CYP7B1: variants seen among roughly 807,000 people sequenced by gnomAD.
The protein encoded by CYP7B1 is cytochrome P450 family 7 subfamily B member 1.
CYP7B1 carries 29 observed loss-of-function variants against 42.7 expected under a neutral mutation model. The observed-to-expected ratio is 0.68, with a 90% CI of 0.51 to 0.93. The LOEUF (loss-of-function observed/expected upper bound fraction) is 0.93. CYP7B1 is among the 40% of genes least tolerant of loss of function. The probability of loss-of-function intolerance (pLI) is 0.00; values close to 1 mark genes in which losing one functional copy is unlikely to be tolerated. For missense variants in CYP7B1, 655 were observed against 600.5 expected, an observed-to-expected ratio of 1.09 and a Z score of -0.95; for synonymous variants, 235 against 218.2, an observed-to-expected ratio of 1.08 and a Z score of -0.68.
intron 1 of CYP7B1, among the ~76,000 whole-genome samples, chr8:64,749,713 G>A (rs549874098): frequency 9.9e-5 from 15 of 152,096 alleles, no homozygotes; most frequent in Admixed American, 2.6e-4. Flanking sequence ...CCCTGTATAC[G>A]AGTTTGTTTC....
chr8:64,723,568 T>G (rs1807277123), intron 1 of CYP7B1, among the ~76,000 whole-genome samples: 1 of 152,190 alleles, frequency 6.6e-6, no homozygotes, highest in Non-Finnish European at 1.5e-5. Context: ...AAAGTCGGAT[T>G]TTAGTTGGGA....
At chr8:64,673,368 C>T (rs1398500539) in intron 1 of CYP7B1, among the ~76,000 whole-genome samples, 1 of 152,126 alleles carries the variant, frequency 6.6e-6, no homozygotes, top group African/African-American at 2.4e-5. Flanking sequence ...TTGCCTCCAA[C>T]CCTTTTTGGT....
Position 64,593,880 on chromosome 8 carries a change from A to G in CYP7B1, c.*2762T>C, listed in dbSNP as rs1287286968. Among the ~76,000 whole-genome samples, 2 of 152,238 alleles carry G rather than the reference A, an allele frequency of 1.3e-5. No individual in the cohort carries two copies. The highest frequency in any genetic ancestry group is 2.4e-5 in the African/African-American group (1 of 41,462). ...ATATTATAAAAAATAAGCAGCATAT[A>G]TGAAGAACAAAAGGGAATCGTAAAA... On this transcript the variant is annotated 3_prime_UTR_variant, in exon 6 of 6. Coordinates refer to ENST00000310193, the MANE Select transcript of CYP7B1 (RefSeq NM_004820.5).
intron 1 of CYP7B1, among the ~76,000 whole-genome samples, chr8:64,682,991 T>C (rs1233058599): frequency 1.3e-5 from 2 of 152,218 alleles, no homozygotes; most frequent in Admixed American, 1.3e-4. Flanking sequence ...CCTTGACTTC[T>C]TTCTCTCACA....
intron 1 of CYP7B1, among the ~76,000 whole-genome samples, chr8:64,654,998 T>A (rs1806100531): frequency 2.6e-5 from 4 of 152,140 alleles, no homozygotes; most frequent in Admixed American, 2.6e-4. Flanking sequence ...GACCCCTTTT[T>A]TACACCATAT....
intron 1 of CYP7B1, among the ~76,000 whole-genome samples, chr8:64,727,166 T>TC (rs1447957585): frequency 6.6e-6 from 1 of 152,162 alleles, no homozygotes; most frequent in African/African-American, 2.4e-5. Flanking sequence ...CTTAAGGGTT[T>TC]CCCCTGGGAG....
intron 1 of CYP7B1, among the ~76,000 whole-genome samples, chr8:64,631,397 T>C (rs193287021): frequency 1.1e-4 from 16 of 152,184 alleles, no homozygotes; most frequent in African/African-American, 3.1e-4. Context: ...CTTTATCTTA[T>C]ACTACCTACA....
chr8:64,690,160 G>A (rs1806717088), intron 1 of CYP7B1, among the ~76,000 whole-genome samples: 1 of 152,198 alleles, frequency 6.6e-6, no homozygotes, highest in Non-Finnish European at 1.5e-5. Flanking sequence ...CACTTTGGGA[G>A]GCCAAGGCAG....
intron 1 of CYP7B1, among the ~76,000 whole-genome samples, chr8:64,686,411 G>A (rs1434186031): frequency 5.5e-5 from 2 of 36,174 alleles, no homozygotes; most frequent in Admixed American, 4.1e-4. Context: ...AGGTGGGGGG[G>A]TCAGCCCCCC....
Position 64,771,499 on chromosome 8 carries a change from C to A in CYP7B1, c.122+26967G>T, listed in dbSNP as rs557897365. Among the ~76,000 whole-genome samples, 8 of 152,194 alleles carry A rather than the reference C, an allele frequency of 5.3e-5. No individual in the cohort carries two copies. In the South Asian group the frequency reaches 1.0e-3, roughly 20 times the overall value. ...TATTTTCTGCCAAATTGATAGAATT[C>A]TTCAGCTTCAAATAACAGAAACTCA... On this transcript the variant is annotated intron_variant, in intron 1 of 5. Transcript: ENST00000310193.
At chr8:64,678,410 T>C (rs1806484060) in intron 1 of CYP7B1, among the ~76,000 whole-genome samples, 1 of 152,078 alleles carries the variant, frequency 6.6e-6, no homozygotes, top group South Asian at 2.1e-4. Flanking sequence ...CATCAATTCT[T>C]TAATCCTAGA....
intron 1 of CYP7B1, among the ~76,000 whole-genome samples, chr8:64,641,338 G>T (rs150837754): frequency 1.3e-5 from 2 of 152,150 alleles, no homozygotes; most frequent in East Asian, 1.9e-4. Flanking sequence ...TCTTTTAAAA[G>T]AATCAGTCTG....
intron 1 of CYP7B1, among the ~76,000 whole-genome samples, chr8:64,725,435 C>T (rs747116128): frequency 6.6e-5 from 10 of 152,198 alleles, no homozygotes; most frequent in Non-Finnish European, 1.2e-4. Flanking sequence ...TTAAAGTCAG[C>T]ATTATGTGAA....
At position 64,604,689 on chromosome 8, in the gene CYP7B1, G is replaced by A; in HGVS notation, c.1226C>T (p.Ala409Val). ...GGCTTGATGTTTACTTACCTCTGGA[G>A]CTTCAAAGATTTCAGGGTCACCATG... Reference protein sequence around the residue: ...VLHGDPEIFEAPEEFRYDRFI... With the variant: ...VLHGDPEIFEVPEEFRYDRFI... The change falls in exon 5 of 6, where the codon GCT becomes GTT. Residue 409 changes from alanine (A) to valine (V), a missense_variant. By Grantham distance (64) the Ala-to-Val change is moderately conservative (BLOSUM62 0). Coordinates refer to ENST00000310193, the MANE Select transcript of CYP7B1 (RefSeq NM_004820.5). 1.9e-6 allele frequency: 3 copies of A among 1,614,114 alleles called. No individual in the cohort carries two copies. The highest frequency in any genetic ancestry group is 8.5e-7 in the Non-Finnish European group (1 of 1,180,032).
At chr8:64,654,624 TC>T (rs1444106441) in intron 1 of CYP7B1, among the ~76,000 whole-genome samples, 1 of 152,160 alleles carries the variant, frequency 6.6e-6, no homozygotes, top group Non-Finnish European at 1.5e-5. Context: ...TCAATGTTAT[TC>T]TTCTCAAACT....
chr8:64,608,745 C>T (rs913618906), intron 4 of CYP7B1, among the ~76,000 whole-genome samples: 3 of 152,136 alleles, frequency 2.0e-5, no homozygotes, highest in African/African-American at 7.2e-5. Flanking sequence ...TGCATTTCTA[C>T]ATAAGTGTCT....
At chr8:64,711,975 CTAT>C (rs1459542470) in intron 1 of CYP7B1, among the ~76,000 whole-genome samples, 3 of 152,238 alleles carry the variant, frequency 2.0e-5, no homozygotes, top group Middle Eastern at 3.4e-3. Flanking sequence ...CTCTTCTGCA[CTAT>C]TATTATCCTT....
chr8:64,592,198 A>G lies in CYP7B1; in HGVS notation c.*4444T>C, dbSNP rs1805047007. 6.6e-6 allele frequency among the ~76,000 whole-genome samples: 1 copy of G among 151,906 alleles called. No individual in the cohort carries two copies. Among genetic ancestry groups the G allele is most frequent in the African/African-American group, 2.4e-5 (1 of 41,380 alleles). ...GCAAGACTCCATCTAAAAAAAAAAAAGGATGGGATTTTACAATATATAATA... is the reference window on the plus strand; with the variant it reads ...GCAAGACTCCATCTAAAAAAAAAAAGGGATGGGATTTTACAATATATAATA... On this transcript the variant is annotated 3_prime_UTR_variant, in exon 6 of 6. Coordinates refer to ENST00000310193, the MANE Select transcript of CYP7B1 (RefSeq NM_004820.5).
chr8:64,632,780 A>C (rs1184529641), intron 1 of CYP7B1, among the ~76,000 whole-genome samples: 3 of 152,096 alleles, frequency 2.0e-5, no homozygotes, highest in Non-Finnish European at 4.4e-5. Flanking sequence ...TAAGATCAGA[A>C]ACAAGGCAAT....
Sources: gnomAD v4.1 joint callset for allele counts (sites outside exome capture counted in the v4.1 genomes callset) on GRCh38, gnomAD v4.1.1 for gene constraint, MANE v1.5 for transcripts, NCBI Gene and HGNC (gene_info 2026-07-23, HGNC 2026-07-21) for gene names.